Variants in LEKR1 observed in about 807,000 individuals in gnomAD.
The protein encoded by LEKR1 is leucine, glutamate and lysine rich 1, also known as protein LEKR1.
A neutral mutation model predicts 72.4 loss-of-function variants in LEKR1; 59 were observed. The ratio of observed to expected loss-of-function variants is 0.82; its 90% CI spans 0.66 to 1.01. The LOEUF is 1.01. Ranked by LOEUF, LEKR1 falls within the 50% of genes least tolerant of loss-of-function variation. LEKR1 has a pLI of 0.00. For missense variants in LEKR1, 728 were observed against 759.2 expected (o/e 0.96, Z 0.48); for synonymous variants, 257 against 263.2 (o/e 0.98, Z 0.23).
chr3:156,850,645 A>T (rs1419705373), intron 2 of LEKR1, among the ~76,000 whole-genome samples: 1 of 152,200 alleles, frequency 6.6e-6, no homozygotes, highest in Admixed American at 6.5e-5. Flanking sequence ...GCTGTGCCAA[A>T]GGTGACCTAA....
chr3:157,014,918 TAC>T (rs374193248), intron 10 of LEKR1, among the ~76,000 whole-genome samples: 24 of 152,282 alleles, frequency 1.6e-4, no homozygotes, highest in African/African-American at 5.8e-4. Flanking sequence ...TGTATCTAAA[TAC>T]AAAGTTCCAT....
intron 6 of LEKR1, among the ~76,000 whole-genome samples, chr3:156,968,406 G>C (rs1476422608): frequency 6.6e-6 from 1 of 152,066 alleles, no homozygotes; most frequent in Non-Finnish European, 1.5e-5. Flanking sequence ...ACACACATAG[G>C]CTCAAAATAA....
chr3:156,947,569 G>A (rs1424846939), intron 6 of LEKR1, among the ~76,000 whole-genome samples: 1 of 150,956 alleles, frequency 6.6e-6, no homozygotes, highest in Non-Finnish European at 1.5e-5. Context: ...CTTTACTGTG[G>A]CATTAAAGCA....
chr3:156,861,568 G>A (rs1321241793), intron 3 of LEKR1, among the ~76,000 whole-genome samples: 1 of 152,014 alleles, frequency 6.6e-6, no homozygotes, highest in African/African-American at 2.4e-5. Context: ...AATGAGGACT[G>A]TTACTGATGG....
At chr3:157,013,855 T>A (rs1482863) in intron 10 of LEKR1, among the ~76,000 whole-genome samples, 110,939 of 152,026 alleles carry the variant, frequency 0.73, 40,990 homozygotes, top group East Asian at 0.93. Flanking sequence ...TAATACACAT[T>A]TTAAAATAAA....
At chr3:156,885,654 C>T (rs533440185) in intron 3 of LEKR1, among the ~76,000 whole-genome samples, 2 of 152,344 alleles carry the variant, frequency 1.3e-5, no homozygotes, top group African/African-American at 4.8e-5. Flanking sequence ...ACTAGCACCT[C>T]CTCTGGTAGA....
Position 157,032,336 on chromosome 3 carries a change from G to C in LEKR1, c.1668+3934G>C, listed in dbSNP as rs2108040499. On this transcript the variant is annotated intron_variant, in intron 12 of 12. Coordinates refer to ENST00000356539, the MANE Select transcript of LEKR1 (RefSeq NM_001004316.3). ...AGATAGTTCAATATTTTTGTTGTTT[G>C]AAGACCACACATAAGGGAGCCAAAA... 2.0e-5 allele frequency among the ~76,000 whole-genome samples: 3 copies of C among 152,254 alleles called. No individual in the cohort carries two copies. In the East Asian group the frequency reaches 5.8e-4, roughly 29 times the overall value.
At chr3:157,039,618 CA>C (rs1402353973) in intron 12 of LEKR1, among the ~76,000 whole-genome samples, 2 of 151,902 alleles carry the variant, frequency 1.3e-5, no homozygotes, top group Non-Finnish European at 2.9e-5. Flanking sequence ...AACCCTGTCT[CA>C]AAAAACGAAA....
At chr3:157,030,259 T>A (rs146269115) in intron 12 of LEKR1, among the ~76,000 whole-genome samples, 2 of 152,266 alleles carry the variant, frequency 1.3e-5, no homozygotes, top group African/African-American at 4.8e-5. Context: ...AAGGATCTGC[T>A]GCCATGATTC....
intron 12 of LEKR1, among the ~76,000 whole-genome samples, chr3:157,040,832 C>T (rs1204943267): frequency 6.6e-6 from 1 of 152,140 alleles, no homozygotes; most frequent in African/African-American, 2.4e-5. Flanking sequence ...CATGTTCCCC[C>T]CAAAATTGTG....
chr3:156,888,452 A>G (rs562478772), intron 3 of LEKR1: 2 of 687,504 alleles, frequency 2.9e-6, no homozygotes, highest in South Asian at 3.0e-5. Flanking sequence ...TGCAAAATAA[A>G]TATTTTTTTG....
chr3:156,834,573 TA>T (rs1418512036), intron 2 of LEKR1, among the ~76,000 whole-genome samples: 1 of 152,166 alleles, frequency 6.6e-6, no homozygotes, highest in African/African-American at 2.4e-5. Flanking sequence ...TATTTCTGGT[TA>T]GGAACCTGGT....
chr3:156,969,971 T>C (rs1285620363), intron 6 of LEKR1, among the ~76,000 whole-genome samples: 1 of 152,060 alleles, frequency 6.6e-6, no homozygotes, highest in Non-Finnish European at 1.5e-5. Context: ...GTTCAACATA[T>C]GCAAATCAAT....
Position 156,828,779 on chromosome 3 carries a change from C to T in LEKR1, c.-44-507C>T, listed in dbSNP as rs552862378. Among the ~76,000 whole-genome samples the T allele has an allele frequency of 3.9e-5, 6 of 152,290 alleles. 1 individual carries two copies. In the South Asian group the frequency reaches 1.0e-3, roughly 26 times the overall value. On this transcript the variant is annotated intron_variant, in intron 1 of 12. Transcript: ENST00000356539. Reference sequence around the variant, plus strand: ...CTTGGCTTCTTATTTTTTGATCACTCTTCTGTTCAGTGTTTGCATATCATA... The same window carrying T: ...CTTGGCTTCTTATTTTTTGATCACTTTTCTGTTCAGTGTTTGCATATCATA...
chr3:157,041,410 T>C (rs1735330166), intron 12 of LEKR1, among the ~76,000 whole-genome samples: 2 of 152,178 alleles, frequency 1.3e-5, no homozygotes, highest in Admixed American at 1.3e-4. Context: ...AGCCATCTGC[T>C]TGAAATAAAC....
chr3:156,886,398 G>A (rs1349495692), intron 3 of LEKR1, among the ~76,000 whole-genome samples: 5 of 152,094 alleles, frequency 3.3e-5, no homozygotes, highest in African/African-American at 9.7e-5. Flanking sequence ...CACTCCATCA[G>A]TGGCGCCTCC....
intron 3 of LEKR1, among the ~76,000 whole-genome samples, chr3:156,868,587 G>C (rs1324478031): frequency 6.6e-6 from 1 of 151,980 alleles, no homozygotes; most frequent in African/African-American, 2.4e-5. Flanking sequence ...CAGGGAAGAA[G>C]GGAGAAGAGA....
chr3:156,937,678 G>A (rs1476985385), intron 5 of LEKR1, among the ~76,000 whole-genome samples: 1 of 152,122 alleles, frequency 6.6e-6, no homozygotes, highest in Non-Finnish European at 1.5e-5. Context: ...ATTTATCCCA[G>A]ATAAATGAAA....
At chr3:157,040,320 C>T (rs1735257723) in intron 12 of LEKR1, among the ~76,000 whole-genome samples, 1 of 152,174 alleles carries the variant, frequency 6.6e-6, no homozygotes, top group Admixed American at 6.5e-5. Flanking sequence ...TGAAGCATAT[C>T]AGTCTGAGGG....
Sources: gnomAD v4.1 joint callset for allele counts (sites outside exome capture counted in the v4.1 genomes callset) on GRCh38, gnomAD v4.1.1 for gene constraint, MANE v1.5 for transcripts, NCBI Gene and HGNC (gene_info 2026-07-23, HGNC 2026-07-21) for gene names.